TRMT5: variants seen among roughly 807,000 people sequenced by gnomAD.
TRMT5 encodes tRNA (guanine(37)-N(1))-methyltransferase.
A neutral mutation model predicts 42.2 loss-of-function variants in TRMT5; 31 were observed. That is an observed-to-expected ratio of 0.73 (90% CI 0.55 to 0.99). The LOEUF (loss-of-function observed/expected upper bound fraction) is 0.99. TRMT5 is among the 50% of genes least tolerant of loss of function. The pLI, the probability that TRMT5 is intolerant of heterozygous loss-of-function variation, is 0.00. For missense variants in TRMT5, 568 were observed against 595.0 expected, an observed-to-expected ratio of 0.95 and a Z score of 0.47; for synonymous variants, 198 against 209.6, an observed-to-expected ratio of 0.94 and a Z score of 0.48.
Position 60,975,130 on chromosome 14 carries a change from T to G in TRMT5, c.1509A>C (p.Thr503=). Residue 503 remains threonine, a synonymous_variant, in exon 5 of 5, where the codon ACA becomes ACC. Coordinates refer to ENST00000261249, the MANE Select transcript of TRMT5 (RefSeq NM_020810.3). The part of the protein sequence containing the change: ...RTAEAFSDEK[T]QIVSNT The stretch of plus-strand genomic sequence containing the variant: ...CCAATTAAGTGTTTGAAACAATTTG[T>G]GTTTTTTCGTCTGAAAAGGCTTCAG... The G allele has an allele frequency of 1.9e-6, 3 of 1,610,384 alleles. No individual in the cohort carries two copies. The highest frequency in any genetic ancestry group is 2.5e-6 in the Non-Finnish European group (3 of 1,178,692).
Position 60,974,438 on chromosome 14 carries a change from C to G in TRMT5, c.*671G>C, listed in dbSNP as rs1021342528. The G allele has an allele frequency of 2.0e-5, 3 of 152,292 alleles. No homozygotes were observed. The highest frequency in any genetic ancestry group is 2.9e-5 in the Non-Finnish European group (2 of 68,028). 9.4% of individuals were successfully genotyped at this position (152,292 alleles called of 1,614,324 possible). On this transcript the variant is annotated 3_prime_UTR_variant, in exon 5 of 5. Transcript: ENST00000261249. ...TTCGTGAAGCGTTCCATATTAAAAA[C>G]AAAAAACAGCTGCAGATGATATGTA...
intron 3 of TRMT5, 125 bp downstream of exon 3, chr14:60,977,389 A>G: frequency 4.4e-6 from 4 of 918,622 alleles, no homozygotes; most frequent in Non-Finnish European, 6.3e-6. Flanking sequence ...AATAGCATAC[A>G]TAAGTGATCA....
rs771587472 is a variant in TRMT5 at position 60,979,301 on chromosome 14, C to A, written c.597G>T (p.Gly199=). The A allele has an allele frequency of 1.9e-6, 3 of 1,614,080 alleles. No homozygotes were observed. The highest frequency in any genetic ancestry group is 2.2e-5 in the South Asian group (2 of 91,070). Residue 199 remains glycine (G), a synonymous_variant, in exon 2 of 5, where the codon GGG becomes GGT. Transcript: ENST00000261249. ...GTGCAATATGTCCAATCCTGCTAAA[C>A]CCTGAAGTTACATCTTGACCTTCAG... ...VLPEGQDVTS[G]FSRIGHIAHL...
intron 3 of TRMT5, among the ~76,000 whole-genome samples, chr14:60,976,436 T>C (rs956317915): frequency 2.0e-5 from 3 of 152,198 alleles, no homozygotes; most frequent in Non-Finnish European, 4.4e-5. Flanking sequence ...CATGAGGAAT[T>C]TTTCAGACAG....
chr14:60,975,889 T>C lies in TRMT5; in HGVS notation c.1030A>G (p.Lys344Glu), dbSNP rs777843997. ...AAGACTTTCACCTTTTGGTCCACTT[T>C]ATTTAATTTACAGTTGTACAACAGC... ...KWLLYNCKLN[K>E]VDQKVKVFNL... Residue 344 changes from lysine (K) to glutamate (E), a missense_variant, in exon 4 of 5, where the codon AAA becomes GAA. Coordinates refer to ENST00000261249, the MANE Select transcript of TRMT5 (RefSeq NM_020810.3). 12 of 1,614,206 alleles carry C rather than the reference T, an allele frequency of 7.4e-6. No homozygotes were observed. The highest frequency in any genetic ancestry group is 1.0e-5 in the Non-Finnish European group (12 of 1,180,024).
chr14:60,980,527 C>T (rs2036941312), intron 1 of TRMT5, among the ~76,000 whole-genome samples: 2 of 152,208 alleles, frequency 1.3e-5, no homozygotes, highest in South Asian at 2.1e-4. Flanking sequence ...TTTACTGCCA[C>T]ATGTCCTGCC....
chr14:60,981,162 G>A, upstream of TRMT5: 5 of 1,537,818 alleles, frequency 3.3e-6, no homozygotes, highest in Non-Finnish European at 4.4e-6. Flanking sequence ...CCCTGGTGAA[G>A]TACGGAATGC....
intron 3 of TRMT5, among the ~76,000 whole-genome samples, chr14:60,976,590 CCTT>C (rs2036851531): frequency 6.6e-6 from 1 of 152,172 alleles, no homozygotes; most frequent in Non-Finnish European, 1.5e-5. Context: ...AAGCTTCCCT[CCTT>C]ATTTAGTTTT....
upstream of TRMT5, chr14:60,981,604 A>G: frequency 6.7e-7 from 1 of 1,489,094 alleles, no homozygotes; most frequent in Non-Finnish European, 8.9e-7. Flanking sequence ...AAAGATGAAA[A>G]GCGTCGGGTG....
chr14:60,976,145 C>G lies in TRMT5; in HGVS notation c.793-19G>C. On this transcript the variant is annotated intron_variant, in intron 3 of 4. Transcript: ENST00000261249. ...CTCGAACCTGAAAAAAGGTGTTATG[C>G]TTTTTGGTTAATTTCCTTGGTCCTA... is the stretch of plus-strand genomic sequence containing the variant. The G allele has an allele frequency of 6.3e-7, 1 of 1,588,030 alleles. No homozygotes were observed.
rs1425821007 is a variant in TRMT5, at chr14:60,975,138, C to T, written c.1501G>A (p.Glu501Lys). The T allele has an allele frequency of 6.8e-6, 11 of 1,608,688 alleles. No individual in the cohort carries two copies. Among genetic ancestry groups the T allele is most frequent in the Middle Eastern group, 1.7e-4 (1 of 5,898 alleles). The change falls in exon 5 of 5, where the codon GAA (glutamate) becomes AAA (lysine). Residue 501 changes from glutamate to lysine, a missense_variant. Glu to Lys is a moderately conservative substitution (Grantham distance 56). Coordinates refer to ENST00000261249, the MANE Select transcript of TRMT5 (RefSeq NM_020810.3). ...GTGTTTGAAACAATTTGTGTTTTTTCGTCTGAAAAGGCTTCAGCCGTCCTC... is the reference window on the plus strand; with the variant it reads ...GTGTTTGAAACAATTTGTGTTTTTTTGTCTGAAAAGGCTTCAGCCGTCCTC... ...RQRTAEAFSD[E>K]KTQIVSNT
In TRMT5 at chr14:60,975,567, A is replaced by G. The variant is rs903262478; in HGVS notation, c.1352T>C (p.Leu451Pro). ...CTTGTTTGGGGCCACATTTCTTACC[A>G]GGTGAACTGAACTGCATGCCTCCAG... ...ISLEACSSVH[L>P]VRNVAPNKEM... Residue 451 changes from leucine (L) to proline (P), a missense_variant, in exon 4 of 5, where the codon CTG becomes CCG. Physicochemically the swap from Leu to Pro is moderately conservative, Grantham distance 98. Coordinates refer to ENST00000261249, the MANE Select transcript of TRMT5 (RefSeq NM_020810.3). The G allele has an allele frequency of 5.0e-6, 8 of 1,614,114 alleles. No individual in the cohort carries two copies. In the African/African-American group the frequency reaches 6.7e-5, roughly 13 times the overall value.
In TRMT5 at chr14:60,975,141, C is replaced by G; in HGVS notation, c.1498G>C (p.Asp500His). 6.2e-7 allele frequency: 1 copy of G among 1,609,386 alleles called. No homozygotes were observed. Among genetic ancestry groups the G allele is most frequent in the Non-Finnish European group, 8.5e-7 (1 of 1,178,366 alleles). Residue 500 changes from aspartate to histidine, a missense_variant, in exon 5 of 5, where the codon GAC (aspartate) becomes CAC (histidine). By Grantham distance (81) the Asp-to-His change is moderately conservative (BLOSUM62 -1). Transcript: ENST00000261249. ...TTTGAAACAATTTGTGTTTTTTCGT[C>G]TGAAAAGGCTTCAGCCGTCCTCTGC... The part of the protein sequence containing the change: ...KRQRTAEAFS[D>H]EKTQIVSNT
In TRMT5 at chr14:60,975,176, G is replaced by A. The variant is rs1217972149; in HGVS notation, c.1463C>T (p.Pro488Leu). The A allele has an allele frequency of 6.2e-7, 1 of 1,607,114 alleles. No individual in the cohort carries two copies. Among genetic ancestry groups the A allele is most frequent in the Non-Finnish European group, 8.5e-7 (1 of 1,177,736 alleles). Residue 488 changes from proline (P) to leucine (L), a missense_variant, in exon 5 of 5, where the codon CCT becomes CTT. Transcript: ENST00000261249. ...TRNPENHEDP[P>L]LKRQRTAEAF... ...TTCAGCCGTCCTCTGCCTTTTAAGA[G>A]GTGGATCTTCATGATTCTCTGTAAT... is the stretch of plus-strand genomic sequence containing the variant.
upstream of TRMT5, chr14:60,981,250 T>A (rs765140355): frequency 9.5e-6 from 15 of 1,575,842 alleles, no homozygotes; most frequent in Non-Finnish European, 1.2e-5. Context: ...GGCTCGTAGA[T>A]GGAACTGGTA....
chr14:60,975,428 A>G (rs373926516), intron 4 of TRMT5, 47 bp downstream of exon 4: 2 of 1,573,614 alleles, frequency 1.3e-6, no homozygotes. Flanking sequence ...GGAATTAGTT[A>G]CAATTGAATG....
In TRMT5 at chr14:60,973,980, A is replaced by C. The variant is rs1220665992; in HGVS notation, c.*1129T>G. 1.3e-5 allele frequency: 2 copies of C among 152,190 alleles called. No individual in the cohort carries two copies. The highest frequency in any genetic ancestry group is 2.9e-5 in the Non-Finnish European group (2 of 68,038). The allele number at this position is 152,190 out of a possible 1,614,324, so 9.4% of individuals were successfully genotyped here. On this transcript the variant is annotated 3_prime_UTR_variant, in exon 5 of 5. Transcript: ENST00000261249. ...TTTTTCTAACAGTTGCTTGCCTGTG[A>C]GTTGGGAATACTGTGATGAGTGGTT...
Position 60,976,038 on chromosome 14 carries a change from T to G in TRMT5, c.881A>C (p.Glu294Ala), listed in dbSNP as rs2296928. 322 of 1,614,222 alleles carry G rather than the reference T, an allele frequency of 2.0e-4. 2 individuals carry two copies. The East Asian group carries it at 7.0e-3, about 35-fold the overall frequency. ...RLSTEHSRIT[E>A]LLKPGDVLFD... is the part of the protein sequence containing the mutation. ...TAGGACATCCCCAGGTTTGAGAAGTTCTGTGATACGGCTGTGTTCTGTAGA... is the reference window on the plus strand; with the variant it reads ...TAGGACATCCCCAGGTTTGAGAAGTGCTGTGATACGGCTGTGTTCTGTAGA... The change falls in exon 4 of 5, where the codon GAA becomes GCA. Residue 294 changes from glutamate to alanine, a missense_variant. Coordinates refer to ENST00000261249, the MANE Select transcript of TRMT5 (RefSeq NM_020810.3).
intron 2 of TRMT5, 106 bp downstream of exon 2, chr14:60,979,125 A>G: frequency 1.0e-6 from 1 of 989,164 alleles, no homozygotes; most frequent in Non-Finnish European, 1.5e-6. Flanking sequence ...ACATGATAAA[A>G]TGTTCTGCCT....
Sources: allele counts gnomAD v4.1 joint callset (sites outside exome capture counted in the v4.1 genomes callset), GRCh38; gene constraint gnomAD v4.1.1; transcripts MANE v1.5; gene names NCBI Gene and HGNC (gene_info 2026-07-23, HGNC 2026-07-21).